Variants in DAB1 observed in about 807,000 individuals in gnomAD.
DAB1 encodes the protein disabled homolog 1.
A neutral mutation model predicts 64.6 loss-of-function variants in DAB1; 15 were observed. The ratio of observed to expected loss-of-function variants is 0.23; its 90% CI spans 0.16 to 0.36. DAB1 has a LOEUF of 0.36. Among genes scored for constraint, DAB1 ranks in the 10% least tolerant of loss-of-function variants. The pLI, the probability that DAB1 is intolerant of heterozygous loss-of-function variation, is 1.00. For synonymous variants in DAB1, 235 were observed against 251.9 expected, an observed-to-expected ratio of 0.93 and a Z score of 0.64; for missense variants, 596 against 706.7, an observed-to-expected ratio of 0.84 and a Z score of 1.78.
chr1:57,640,051 G>A (rs1018688185), intron 7 of DAB1, among the ~76,000 whole-genome samples: 9 of 152,324 alleles, frequency 5.9e-5, no homozygotes, highest in Non-Finnish European at 1.2e-4. Flanking sequence ...GTCTGCAGAA[G>A]CATGGCACGA....
chr1:57,266,415 T>G lies in DAB1; in HGVS notation c.67+24549A>C, dbSNP rs912027661. On this transcript the variant is annotated intron_variant, in intron 2 of 14. Transcript: ENST00000371236. ...ATTCCTTGCATCTCAATACATGGAG[T>G]GTCTCAGATGATTCACTCATGAATT... Among the ~76,000 whole-genome samples, 6 of 152,130 alleles carry G rather than the reference T, an allele frequency of 3.9e-5. No individual in the cohort carries two copies. In the East Asian group the frequency reaches 1.2e-3, roughly 29 times the overall value.
chr1:57,954,666 A>G (rs187730868), intron 5 of DAB1, among the ~76,000 whole-genome samples: 7 of 152,308 alleles, frequency 4.6e-5, no homozygotes, highest in African/African-American at 1.7e-4. Context: ...ATTCCTTTGA[A>G]TATAGTTTTT....
chr1:57,413,648 G>A (rs1684277088), intron 1 of DAB1, among the ~76,000 whole-genome samples: 2 of 150,950 alleles, frequency 1.3e-5, no homozygotes, highest in Admixed American at 1.3e-4. Flanking sequence ...AGAGGCTGAG[G>A]CAGGAGAATG....
chr1:57,070,857 T>C, intron 7 of DAB1, 166 bp downstream of exon 7: 1 of 676,226 alleles, frequency 1.5e-6, no homozygotes, highest in Non-Finnish European at 2.7e-6. Flanking sequence ...TGTTAGTTTT[T>C]ATGGAAATTT....
intron 7 of DAB1, among the ~76,000 whole-genome samples, chr1:57,608,417 G>T (rs146545993): frequency 2.6e-5 from 4 of 152,042 alleles, no homozygotes; most frequent in Admixed American, 6.5e-5. Flanking sequence ...AGAGAGAAAT[G>T]CATTGCCCCC....
rs146571446 is a variant in DAB1 at position 57,841,586 on chromosome 1, T to C, written n.88-15131A>G. Among the ~76,000 whole-genome samples, 226 of 152,330 alleles carry C rather than the reference T, an allele frequency of 1.5e-3. 5 individuals are homozygous for C. In the South Asian group the frequency reaches 0.039, roughly 26 times the overall value. On this transcript the variant is annotated intron_variant and non_coding_transcript_variant, in intron 1 of 1. Coordinates refer to the DAB1 transcript ENST00000477280. The stretch of plus-strand genomic sequence containing the variant: ...GCACACCTGCAGGCCTAACACCACA[T>C]GGAAGCCACCAAGGCTTGGGGCTTG...
At chr1:57,292,191 G>C (rs1471560123) in intron 1 of DAB1, among the ~76,000 whole-genome samples, 1 of 152,132 alleles carries the variant, frequency 6.6e-6, no homozygotes, top group Admixed American at 6.5e-5. Context: ...TCAAATGCCA[G>C]TTTCAGTTCA....
chr1:57,889,869 C>T (rs1644279843), intron 5 of DAB1, among the ~76,000 whole-genome samples: 1 of 118,072 alleles, frequency 8.5e-6, no homozygotes, highest in South Asian at 2.7e-4. Flanking sequence ...ACAAGCTCCT[C>T]AGATTCGCAG....
chr1:57,937,743 G>C (rs913198806), intron 5 of DAB1, among the ~76,000 whole-genome samples: 11 of 152,200 alleles, frequency 7.2e-5, no homozygotes, highest in African/African-American at 2.7e-4. Flanking sequence ...AGGTCAACAG[G>C]CTGAAGGACT....
chr1:57,390,621 C>T lies in DAB1; in HGVS notation c.-137+33309G>A, dbSNP rs113787212. On this transcript the variant is annotated intron_variant, in intron 1 of 14. Transcript: ENST00000371236. The stretch of plus-strand genomic sequence containing the variant: ...ACACTTATTCTGTATAAAGTTACTC[C>T]TTCTTTCAAAGCTTCCCTTCAAAGG... 1.3e-3 allele frequency among the ~76,000 whole-genome samples: 194 copies of T among 152,298 alleles called. 2 individuals carry two copies. Among genetic ancestry groups the T allele is most frequent in the African/African-American group, 4.3e-3 (180 of 41,560 alleles).
In DAB1 at chr1:57,355,448, C is replaced by A. The variant is rs980893269; in HGVS notation, c.-136-64282G>T. Among the ~76,000 whole-genome samples, 3 of 151,574 alleles carry A rather than the reference C, an allele frequency of 2.0e-5. No individual in the cohort carries two copies. In the Admixed American group the frequency reaches 2.0e-4, roughly 10 times the overall value. ...AAGCACTTAGAGAGAAAATAATTCC[C>A]AGGTTGAAAAAGTCACAGTCTACTG... On this transcript the variant is annotated intron_variant, in intron 1 of 14. Coordinates refer to ENST00000371236, the MANE Select transcript of DAB1 (RefSeq NM_001365792.1).
intron 5 of DAB1, among the ~76,000 whole-genome samples, chr1:58,075,691 A>G (rs1255057556): frequency 1.3e-5 from 2 of 152,194 alleles, no homozygotes; most frequent in African/African-American, 4.8e-5. Flanking sequence ...CAAGGTCACA[A>G]ATGCAGCTGG....
rs1324843858 is a variant in DAB1, at chr1:58,128,629, C to A, written n.387+21882G>T. On this transcript the variant is annotated intron_variant and non_coding_transcript_variant, in intron 5 of 20. Coordinates refer to the DAB1 transcript ENST00000485760. ...AGCTCTTATTATTTTTAAATACGTC[C>A]CATCAATACCTAATTTATTGAGAGT... Among the ~76,000 whole-genome samples the A allele has an allele frequency of 1.6e-5, 2 of 124,798 alleles. 1 individual carries two copies. The highest frequency in any genetic ancestry group is 3.3e-5 in the Non-Finnish European group (2 of 61,066). The allele number at this position is 124,798 out of a possible 152,430, so 81.9% of individuals were successfully genotyped here.
At chr1:57,359,311 C>T (rs1192175038) in intron 1 of DAB1, among the ~76,000 whole-genome samples, 3 of 151,832 alleles carry the variant, frequency 2.0e-5, no homozygotes, top group Non-Finnish European at 4.4e-5. Flanking sequence ...AAAGAAGATA[C>T]ACAAATGGCT....
At chr1:57,736,353 A>C (rs1208564705) in intron 6 of DAB1, among the ~76,000 whole-genome samples, 1 of 152,236 alleles carries the variant, frequency 6.6e-6, no homozygotes, top group Non-Finnish European at 1.5e-5. Context: ...GCCATTGTGA[A>C]CAGAAAGACA....
At chr1:57,677,958 A>G (rs1646587797) in intron 6 of DAB1, among the ~76,000 whole-genome samples, 1 of 152,176 alleles carries the variant, frequency 6.6e-6, no homozygotes, top group Admixed American at 6.5e-5. Flanking sequence ...ATTCTCAGCT[A>G]CACGTTGGAA....
chr1:58,292,671 A>G (rs1435199069), intron 4 of DAB1, among the ~76,000 whole-genome samples: 1 of 152,088 alleles, frequency 6.6e-6, no homozygotes, highest in African/African-American at 2.4e-5. Flanking sequence ...TGCAAATAAT[A>G]TGTGCTCTCT....
chr1:57,428,502 T>C (rs1053079038), upstream of DAB1, among the ~76,000 whole-genome samples: 1 of 152,230 alleles, frequency 6.6e-6, no homozygotes, highest in Non-Finnish European at 1.5e-5. Flanking sequence ...TCCTTCTATT[T>C]TAAGACTGAA....
intron 1 of DAB1, among the ~76,000 whole-genome samples, chr1:57,316,075 C>T (rs763774507): frequency 6.6e-6 from 1 of 152,122 alleles, no homozygotes; most frequent in South Asian, 2.1e-4. Flanking sequence ...TAGTAAGTGA[C>T]GAAGCCTATT....
Sources: allele counts gnomAD v4.1 joint callset (sites outside exome capture counted in the v4.1 genomes callset), GRCh38; gene constraint gnomAD v4.1.1; transcripts MANE v1.5; gene names NCBI Gene and HGNC (gene_info 2026-07-23, HGNC 2026-07-21).